PCSK5: variants seen among roughly 807,000 people sequenced by gnomAD.
The protein encoded by PCSK5 is prohormone convertase 5.
In PCSK5, 129 loss-of-function variants were observed where a neutral mutation model predicts 233.2. The observed-to-expected ratio is 0.55, with a 90% CI of 0.48 to 0.64. The LOEUF is 0.64. Ranked by LOEUF, PCSK5 falls within the 30% of genes least tolerant of loss-of-function variation. The pLI, the probability that PCSK5 is intolerant of heterozygous loss-of-function variation, is 0.00. For synonymous variants in PCSK5, 825 were observed against 879.2 expected, an observed-to-expected ratio of 0.94 and a Z score of 1.09; for missense variants, 2,076 against 2,430.1, an observed-to-expected ratio of 0.85 and a Z score of 3.06.
At chr9:76,282,120 CTTTTTTTTTT>C (rs71372059) in intron 24 of PCSK5, among the ~76,000 whole-genome samples, 13 of 14,508 alleles carry the variant, frequency 9.0e-4, no homozygotes, top group Non-Finnish European at 1.5e-3. Context: ...CTTTTCTTTG[CTTTTTTTTTT>C]TTTTTTTTTT....
At chr9:76,292,987 A>G (rs1828324099) in intron 25 of PCSK5, among the ~76,000 whole-genome samples, 1 of 152,176 alleles carries the variant, frequency 6.6e-6, no homozygotes, top group South Asian at 2.1e-4. Context: ...TCATCTCTCG[A>G]TCATTTTATT....
intron 2 of PCSK5, among the ~76,000 whole-genome samples, chr9:75,934,188 G>GGT (rs59165265): frequency 0.26 from 40,181 of 151,864 alleles, 5,575 homozygotes; most frequent in East Asian, 0.5. Flanking sequence ...CCAGCCCAAG[G>GGT]GTACATGCTG....
At chr9:76,273,484 C>T (rs559478447) in intron 24 of PCSK5, among the ~76,000 whole-genome samples, 2 of 150,470 alleles carry the variant, frequency 1.3e-5, no homozygotes, top group African/African-American at 4.9e-5. Context: ...TATCACTCTC[C>T]CTGGGCTAAC....
At position 75,923,143 on chromosome 9, in the gene PCSK5, TG is replaced by T. The variant is rs1823326782; in HGVS notation, c.193-9234del. Reference sequence around the variant, plus strand: ...TGTGCCTGGAAAAAGCATAGATTTTTGGAATCAGGCTGACCTGGTTTCAAAT... The same window carrying T: ...TGTGCCTGGAAAAAGCATAGATTTTTGAATCAGGCTGACCTGGTTTCAAAT... On this transcript the variant is annotated intron_variant, in intron 1 of 37. Coordinates refer to ENST00000674117, the MANE Select transcript of PCSK5 (RefSeq NM_001372043.1). Among the ~76,000 whole-genome samples, 5 of 152,330 alleles carry T rather than the reference TG, an allele frequency of 3.3e-5. No homozygotes were observed. In the East Asian group the frequency reaches 9.6e-4, roughly 29 times the overall value.
Position 76,244,565 on chromosome 9 carries a change from T to C in PCSK5, c.3142+3881T>C, listed in dbSNP as rs982824160. On this transcript the variant is annotated intron_variant, in intron 24 of 37. Transcript: ENST00000674117. ...AATTAGCTGTTGAAAATCCTGGGGTTTTTTTTTTTTTTTTTTAGCTTTGTA... is the reference window on the plus strand; with the variant it reads ...AATTAGCTGTTGAAAATCCTGGGGTCTTTTTTTTTTTTTTTTAGCTTTGTA... Among the ~76,000 whole-genome samples, 11 of 50,356 alleles carry C rather than the reference T, an allele frequency of 2.2e-4. No individual in the cohort carries two copies. The East Asian group carries it at 4.0e-3, about 18-fold the overall frequency. 33.0% of individuals were successfully genotyped at this position (50,356 alleles called of 152,430 possible). A position where few individuals can be genotyped will look rare whatever the true frequency, so the allele number is the denominator to read the frequency against.
Position 76,233,457 on chromosome 9 carries a change from T to C in PCSK5, c.2730-3T>C, listed in dbSNP as rs557378489. On this transcript the variant is annotated splice_polypyrimidine_tract_variant and splice_region_variant and intron_variant, in intron 21 of 37. Coordinates refer to ENST00000674117, the MANE Select transcript of PCSK5 (RefSeq NM_001372043.1). Reference sequence around the variant, plus strand: ...GAATTCTAAAAGTCTGCTTTTCCTCTAGGATTTTTGATGATGGCCGCTGTG... The same window carrying C: ...GAATTCTAAAAGTCTGCTTTTCCTCCAGGATTTTTGATGATGGCCGCTGTG... 1.2e-6 allele frequency: 2 copies of C among 1,612,704 alleles called. No homozygotes were observed. The highest frequency in any genetic ancestry group is 2.2e-5 in the East Asian group (1 of 44,860).
At chr9:76,128,966 G>T (rs1393857035) in intron 9 of PCSK5, among the ~76,000 whole-genome samples, 2 of 152,286 alleles carry the variant, frequency 1.3e-5, no homozygotes, top group East Asian at 3.9e-4. Flanking sequence ...TGCTCGCAGT[G>T]GGACTGACAA....
At chr9:76,086,189 G>A (rs1343157967) in intron 7 of PCSK5, among the ~76,000 whole-genome samples, 1 of 151,996 alleles carries the variant, frequency 6.6e-6, no homozygotes, top group East Asian at 1.9e-4. Context: ...GCAGGTGTGA[G>A]AATAGCTTTT....
At chr9:75,961,316 G>A (rs570042907) in intron 2 of PCSK5, among the ~76,000 whole-genome samples, 1 of 152,134 alleles carries the variant, frequency 6.6e-6, no homozygotes, top group Non-Finnish European at 1.5e-5. Flanking sequence ...GAAATTTAAG[G>A]CCTTTCAGTC....
At chr9:76,253,667 A>G (rs1184783123) in intron 24 of PCSK5, among the ~76,000 whole-genome samples, 1 of 152,166 alleles carries the variant, frequency 6.6e-6, no homozygotes, top group Non-Finnish European at 1.5e-5. Flanking sequence ...CCTAATATTT[A>G]TCAAGCATCA....
At chr9:76,231,671 C>G (rs1188895137) in intron 21 of PCSK5, among the ~76,000 whole-genome samples, 1 of 152,170 alleles carries the variant, frequency 6.6e-6, no homozygotes, top group Non-Finnish European at 1.5e-5. Flanking sequence ...CTTGAAAAGT[C>G]TTCTAGCTCA....
intron 2 of PCSK5, among the ~76,000 whole-genome samples, chr9:75,981,522 T>C (rs1375767488): frequency 6.6e-6 from 1 of 152,236 alleles, no homozygotes; most frequent in Non-Finnish European, 1.5e-5. Context: ...TCTCACTAAC[T>C]GCTTTTTAAA....
intron 20 of PCSK5, among the ~76,000 whole-genome samples, chr9:76,192,174 A>ATGCTT (rs1315373148): frequency 6.6e-6 from 1 of 152,026 alleles, no homozygotes; most frequent in African/African-American, 2.4e-5. Flanking sequence ...AAGAGTTGTA[A>ATGCTT]TGCTTTAACT....
chr9:76,262,896 T>C (rs1375860999), intron 24 of PCSK5, among the ~76,000 whole-genome samples: 1 of 149,616 alleles, frequency 6.7e-6, no homozygotes, highest in African/African-American at 2.5e-5. Context: ...AGGGCTAATA[T>C]CCAGAATCTA....
intron 3 of PCSK5, among the ~76,000 whole-genome samples, chr9:76,003,689 G>C (rs1827354724): frequency 6.6e-6 from 1 of 152,168 alleles, no homozygotes; most frequent in African/African-American, 2.4e-5. Flanking sequence ...AAAGTTAATG[G>C]TGATTTTATC....
chr9:76,307,869 C>A (rs1828749787), intron 28 of PCSK5, among the ~76,000 whole-genome samples: 1 of 151,832 alleles, frequency 6.6e-6, no homozygotes, highest in Admixed American at 6.6e-5. Context: ...ACGAGAGGTA[C>A]AATGAATTGT....
Position 76,338,428 on chromosome 9 carries a change from G to T in PCSK5, c.4947G>T (p.Pro1649=). The T allele has an allele frequency of 1.2e-6, 2 of 1,611,272 alleles. No homozygotes were observed. The highest frequency in any genetic ancestry group is 1.7e-6 in the Non-Finnish European group (2 of 1,178,524). ...CACAGACCTGTGAGAGATGCCATCCGACTTGTGATCAATGCAAAGGTGAGA... is the reference window on the plus strand; with the variant it reads ...CACAGACCTGTGAGAGATGCCATCCTACTTGTGATCAATGCAAAGGTGAGA... ...QSTQTCERCH[P]TCDQCKGKGA... The change falls in exon 35 of 38, where the codon CCG becomes CCT. Residue 1649 remains proline (P), a synonymous_variant. Coordinates refer to ENST00000674117, the MANE Select transcript of PCSK5 (RefSeq NM_001372043.1).
intron 8 of PCSK5, among the ~76,000 whole-genome samples, chr9:76,101,146 A>T (rs1288490313): frequency 6.6e-6 from 1 of 152,194 alleles, no homozygotes. Context: ...TTCGCACTAC[A>T]ATGGAAACTA....
At chr9:76,172,151 C>A (rs1204151514) in intron 13 of PCSK5, among the ~76,000 whole-genome samples, 1 of 152,082 alleles carries the variant, frequency 6.6e-6, no homozygotes, top group African/African-American at 2.4e-5. Context: ...TATTTATTGT[C>A]TCTTGTCATT....
Sources: gnomAD v4.1 joint callset for allele counts (sites outside exome capture counted in the v4.1 genomes callset) on GRCh38, gnomAD v4.1.1 for gene constraint, MANE v1.5 for transcripts, NCBI Gene and HGNC (gene_info 2026-07-23, HGNC 2026-07-21) for gene names.